The following VWF variants were observed in gnomAD, a reference collection of about 807,000 sequenced individuals.
The protein encoded by VWF is von Willebrand factor, also known as Factor VIII related antigen.
VWF carries 176 observed loss-of-function variants against 308.6 expected under a neutral mutation model. That is an observed-to-expected ratio of 0.57 (90% confidence interval 0.50 to 0.65). VWF has a LOEUF of 0.65. VWF is among the 30% of genes least tolerant of loss of function. The pLI, the probability that VWF is intolerant of heterozygous loss-of-function variation, is 0.00. For synonymous variants in VWF, 1,385 were observed against 1,443.4 expected (o/e 0.96, Z 0.92); for missense variants, 3,146 against 3,648.2 (o/e 0.86, Z 3.55).
In VWF at chr12:6,063,049, G is replaced by A; in HGVS notation, c.1438C>T (p.Leu480Phe). Residue 480 changes from leucine (L) to phenylalanine (F), a missense_variant, in exon 13 of 52, where the codon CTC (leucine) becomes TTC (phenylalanine). Physicochemically the swap from Leu to Phe is conservative, Grantham distance 22. This residue lies in a region of VWF where 1,304 missense variants were observed against 1,353.0 expected (regional missense o/e 0.96). Transcript: ENST00000261405. The surrounding 1 kb of genome is among the most constrained non-coding windows in gnomAD (Gnocchi z 4.9). ...GCCGTCACTGTATGCTGGATGCGGA[G>A]GTCACCTGGAACCCAGCAGGACAGG... ...DVQLPLLKGD[L>F]RIQHTVTASV... 1 of 1,613,198 alleles carries A rather than the reference G, an allele frequency of 6.2e-7. No homozygotes were observed. The highest frequency in any genetic ancestry group is 8.5e-7 in the Non-Finnish European group (1 of 1,179,942).
At chr12:5,964,238 A>G (rs796370583) in intron 47 of VWF, among the ~76,000 whole-genome samples, 105 of 138,698 alleles carry the variant, frequency 7.6e-4, no homozygotes, top group African/African-American at 1.5e-3. Flanking sequence ...ATACATACAT[A>G]CATACATACA....
At chr12:6,099,136 A>G (rs1186189336) in intron 5 of VWF, among the ~76,000 whole-genome samples, 1 of 151,992 alleles carries the variant, frequency 6.6e-6, no homozygotes, top group Non-Finnish European at 1.5e-5. Flanking sequence ...CCTGTCCAAC[A>G]TGGTGAAACC....
chr12:6,054,030 A>C (rs1944547868), intron 15 of VWF, among the ~76,000 whole-genome samples: 1 of 151,982 alleles, frequency 6.6e-6, no homozygotes, highest in Admixed American at 6.6e-5. Context: ...AGAAATGAGA[A>C]CCTCACCCTG....
In VWF at chr12:6,101,436, T is replaced by TA. The variant is rs368352820; in HGVS notation, c.533-5853dup. ...AAGCAACACAGAGGGATAAAGAGCT[T>TA]AAAAAAAAAAAATGGAAGTAAGGTA... On this transcript the variant is annotated intron_variant, in intron 5 of 51. Coordinates refer to ENST00000261405, the MANE Select transcript of VWF (RefSeq NM_000552.5). Among the ~76,000 whole-genome samples, 470 of 144,482 alleles carry TA rather than the reference T, an allele frequency of 3.3e-3. 3 individuals are homozygous for TA. Among genetic ancestry groups the TA allele is most frequent in the African/African-American group, 6.9e-3 (277 of 40,198 alleles). 94.8% of individuals were successfully genotyped at this position (144,482 alleles called of 152,430 possible).
At chr12:6,059,515 G>A (rs1333622426) in intron 13 of VWF, among the ~76,000 whole-genome samples, 1 of 152,176 alleles carries the variant, frequency 6.6e-6, no homozygotes, top group Non-Finnish European at 1.5e-5. Context: ...CTGGAATCTG[G>A]GAAGTCCAAG....
intron 1 of VWF, 87 bp from the exon 2 acceptor site, chr12:6,123,283 A>G: frequency 6.9e-7 from 1 of 1,451,610 alleles, no homozygotes; most frequent in Non-Finnish European, 9.7e-7. Context: ...TGCAGTAGCA[A>G]AAACATTTCT....
chr12:6,071,337 G>C lies in VWF; in HGVS notation c.1116C>G (p.Cys372Trp). The C allele has an allele frequency of 6.2e-7, 1 of 1,614,168 alleles. No individual in the cohort carries two copies. Among genetic ancestry groups the C allele is most frequent in the Non-Finnish European group, 8.5e-7 (1 of 1,180,034 alleles). Reference sequence around the variant, plus strand: ...TGCTGCAGATCCACTGGCTGTTTCGGCAAATGCTGTTGGAGGGAAAAAGCA... The same window carrying C: ...TGCTGCAGATCCACTGGCTGTTTCGCCAAATGCTGTTGGAGGGAAAAAGCA... ...SLSRDCNTCI[C>W]RNSQWICSNE... The change falls in exon 10 of 52, where the codon TGC becomes TGG. Residue 372 changes from cysteine to tryptophan, a missense_variant. Transcript: ENST00000261405.
Position 6,103,385 on chromosome 12 carries a change from C to CGT in VWF, c.532+6987_532+6988dup, listed in dbSNP as rs1204590257. On this transcript the variant is annotated intron_variant, in intron 5 of 51. Coordinates refer to ENST00000261405, the MANE Select transcript of VWF (RefSeq NM_000552.5). ...ATATATATGTGTGTGTGTGTATACA[C>CGT]GTGTGTGTATACACGTGTGTGTATA... Among the ~76,000 whole-genome samples the CGT allele has an allele frequency of 3.5e-5, 4 of 114,358 alleles. 1 individual carries two copies. Among genetic ancestry groups the CGT allele is most frequent in the African/African-American group, 1.6e-4 (3 of 19,078 alleles). The allele number at this position is 114,358 out of a possible 152,430, so 75.0% of individuals were successfully genotyped here.
intron 20 of VWF, among the ~76,000 whole-genome samples, chr12:6,033,926 G>A (rs919331517): frequency 1.3e-5 from 2 of 152,218 alleles, no homozygotes; most frequent in Non-Finnish European, 2.9e-5. Context: ...GCTTCACAGA[G>A]TACAGTGCCT....
chr12:6,056,695 A>G (rs1481270310), intron 15 of VWF, among the ~76,000 whole-genome samples, 162 bp downstream of exon 15: 1 of 152,180 alleles, frequency 6.6e-6, no homozygotes, highest in Admixed American at 6.5e-5. Context: ...GGGAGGTGGA[A>G]GGGAAAAGTG....
chr12:5,971,514 G>T, intron 44 of VWF, 85 bp downstream of exon 44: 1 of 1,097,452 alleles, frequency 9.1e-7, no homozygotes, highest in South Asian at 1.2e-5. Flanking sequence ...GCAAAGGGCA[G>T]GGAATGAGAT....
chr12:6,116,384 G>C (rs1373252276), intron 3 of VWF, among the ~76,000 whole-genome samples: 3 of 152,180 alleles, frequency 2.0e-5, no homozygotes, highest in African/African-American at 7.2e-5. Context: ...TCAGACCTGG[G>C]CGCTCTCTTA....
At chr12:6,089,882 G>A (rs1380639182) in intron 6 of VWF, among the ~76,000 whole-genome samples, 1 of 152,020 alleles carries the variant, frequency 6.6e-6, no homozygotes, top group South Asian at 2.1e-4. Flanking sequence ...AAGGGCAGCC[G>A]AGGGTGACCC....
At chr12:5,997,171 C>T (rs1160619765) in intron 34 of VWF, among the ~76,000 whole-genome samples, 1 of 152,188 alleles carries the variant, frequency 6.6e-6, no homozygotes, top group Non-Finnish European at 1.5e-5. Flanking sequence ...GAAGCACCAT[C>T]AGAGCTAAGC....
intron 34 of VWF, among the ~76,000 whole-genome samples, chr12:6,000,745 G>C (rs1329863773): frequency 6.8e-6 from 1 of 147,090 alleles, no homozygotes; most frequent in African/African-American, 2.5e-5. Context: ...CTGGGAGGCG[G>C]AGCTTGCAGT....
rs761476221 is a variant in VWF at position 6,052,659 on chromosome 12, G to A, written c.2070C>T (p.Pro690=). 1 of 1,614,230 alleles carries A rather than the reference G, an allele frequency of 6.2e-7. No homozygotes were observed. Among genetic ancestry groups the A allele is most frequent in the Non-Finnish European group, 8.5e-7 (1 of 1,180,044 alleles). ...NEACLEGCFC[P]PGLYMDERGD... ...CCCTCTCATCCATGTAGAGCCCTGG[G>A]GGGCAGAAGCAGCCCTCCAGGCAGG... Residue 690 remains proline (P), a synonymous_variant, in exon 16 of 52, where the codon CCC becomes CCT. Transcript: ENST00000261405.
chr12:5,993,049 A>G (rs1003889317), intron 37 of VWF, among the ~76,000 whole-genome samples: 5 of 152,206 alleles, frequency 3.3e-5, no homozygotes, highest in African/African-American at 1.2e-4. Context: ...AGAACAGTCC[A>G]TCCACCAGCT....
At chr12:6,080,800 C>T (rs965736332) in intron 6 of VWF, among the ~76,000 whole-genome samples, 1 of 152,222 alleles carries the variant, frequency 6.6e-6, no homozygotes, top group African/African-American at 2.4e-5. Flanking sequence ...CGCCTGTTCC[C>T]ACGCCCTCAG....
At chr12:6,045,231 C>T (rs1420299775) in intron 17 of VWF, among the ~76,000 whole-genome samples, 5 of 152,202 alleles carry the variant, frequency 3.3e-5, no homozygotes, top group Non-Finnish European at 7.3e-5. Context: ...ACCTTTCTTT[C>T]CAAAGCCCAG....
Sources: gnomAD v4.1 joint callset for allele counts (sites outside exome capture counted in the v4.1 genomes callset) on GRCh38, gnomAD v4.1.1 for gene constraint, gnomAD v4.1.1 regional missense constraint, Gnocchi (gnomAD v3.1) non-coding constraint, MANE v1.5 for transcripts, NCBI Gene and HGNC (gene_info 2026-07-23, HGNC 2026-07-21) for gene names.